The following FHIT variants were observed in gnomAD, a reference collection of about 807,000 sequenced individuals.
FHIT encodes fragile histidine triad diadenosine triphosphatase, also known as bis(5'-adenosyl)-triphosphatase.
Under a neutral mutation model 17.9 loss-of-function variants are expected in FHIT, and 19 were observed. The ratio of observed to expected loss-of-function variants is 1.06; its 90% CI spans 0.74 to 1.56. The LOEUF (loss-of-function observed/expected upper bound fraction) is 1.56, where lower values mean the gene tolerates loss of function less well. Among genes scored for constraint, FHIT ranks in the 40% most tolerant of loss-of-function variants. The probability of loss-of-function intolerance (pLI) is 0.00; values close to 1 mark genes in which losing one functional copy is unlikely to be tolerated. For synonymous variants in FHIT, 81 were observed against 69.7 expected (o/e 1.16, Z -0.81); for missense variants, 248 against 189.2 (o/e 1.31, Z -1.82).
intron 5 of FHIT, among the ~76,000 whole-genome samples, chr3:60,288,423 T>C (rs1447604010): frequency 6.6e-6 from 1 of 152,150 alleles, no homozygotes; most frequent in Admixed American, 6.5e-5. Context: ...CCAGCATCTA[T>C]AAAATGAGAA....
At chr3:60,597,605 G>C (rs1012635415) in intron 4 of FHIT, among the ~76,000 whole-genome samples, 11 of 152,130 alleles carry the variant, frequency 7.2e-5, no homozygotes, top group African/African-American at 2.7e-4. Context: ...CCAAATGACA[G>C]TGAAGTCTAA....
At chr3:60,498,628 T>C (rs1217901888) in intron 5 of FHIT, among the ~76,000 whole-genome samples, 1 of 152,164 alleles carries the variant, frequency 6.6e-6, no homozygotes, top group Admixed American at 6.6e-5. Context: ...CTTCAATCCA[T>C]CTGTCTTTGT....
At chr3:59,789,028 C>T (rs373157463) in intron 8 of FHIT, among the ~76,000 whole-genome samples, 96 of 152,154 alleles carry the variant, frequency 6.3e-4, no homozygotes, top group South Asian at 4.2e-3. Flanking sequence ...TATCGCACTG[C>T]GTGCTAGTTT....
At chr3:60,239,839 G>T (rs974504650) in intron 5 of FHIT, among the ~76,000 whole-genome samples, 2 of 152,078 alleles carry the variant, frequency 1.3e-5, no homozygotes, top group East Asian at 1.9e-4. Flanking sequence ...CCCAAGAAGG[G>T]AAGTCAAATC....
chr3:61,236,894 G>C (rs1343459409), intron 1 of FHIT, among the ~76,000 whole-genome samples: 2 of 152,154 alleles, frequency 1.3e-5, no homozygotes, highest in African/African-American at 4.8e-5. Context: ...CTTCAGGAGA[G>C]AACCCACAAT....
chr3:60,285,477 T>C (rs1707680764), intron 5 of FHIT, among the ~76,000 whole-genome samples: 1 of 152,174 alleles, frequency 6.6e-6, no homozygotes, highest in Non-Finnish European at 1.5e-5. Context: ...GACATTTTCT[T>C]AATCTTCATA....
chr3:59,808,755 A>G (rs1187812479), intron 8 of FHIT, among the ~76,000 whole-genome samples: 2 of 152,156 alleles, frequency 1.3e-5, no homozygotes, highest in Non-Finnish European at 2.9e-5. Flanking sequence ...TTGGCCCAAT[A>G]GGCTCGGGGA....
intron 4 of FHIT, among the ~76,000 whole-genome samples, chr3:60,796,310 T>G (rs1272191764): frequency 6.6e-6 from 1 of 152,218 alleles, no homozygotes; most frequent in Non-Finnish European, 1.5e-5. Context: ...AAAACCTAAT[T>G]TCTTATTTTT....
intron 5 of FHIT, among the ~76,000 whole-genome samples, chr3:60,185,756 G>T (rs138553404): frequency 2.6e-5 from 4 of 152,134 alleles, no homozygotes; most frequent in African/African-American, 7.2e-5. Flanking sequence ...GAGAGTCCTT[G>T]TTGCTCTACA....
intron 5 of FHIT, among the ~76,000 whole-genome samples, chr3:60,096,921 C>T (rs1052750543): frequency 9.9e-5 from 15 of 150,818 alleles, no homozygotes; most frequent in African/African-American, 3.6e-4. Flanking sequence ...TGGCTTGTGC[C>T]TATAATCCTA....
intron 5 of FHIT, among the ~76,000 whole-genome samples, chr3:60,417,042 T>C (rs1370258318): frequency 6.7e-6 from 1 of 149,450 alleles, no homozygotes; most frequent in East Asian, 2.0e-4. Flanking sequence ...TGAGCCGAGA[T>C]CGCACCACTG....
chr3:60,408,055 T>G (rs1484756917), intron 5 of FHIT, among the ~76,000 whole-genome samples: 1 of 152,060 alleles, frequency 6.6e-6, no homozygotes, highest in Non-Finnish European at 1.5e-5. Flanking sequence ...TCTGAGAAAA[T>G]TTTCCTCAAG....
At chr3:61,022,905 G>C (rs1161808566) in intron 3 of FHIT, among the ~76,000 whole-genome samples, 1 of 152,144 alleles carries the variant, frequency 6.6e-6, no homozygotes, top group Non-Finnish European at 1.5e-5. Context: ...ATGAGCAAAA[G>C]CTGGAAGCAT....
chr3:61,017,348 T>A (rs2032172068), intron 3 of FHIT, among the ~76,000 whole-genome samples: 1 of 152,218 alleles, frequency 6.6e-6, no homozygotes, highest in African/African-American at 2.4e-5. Context: ...TGCACTTTCA[T>A]TATTTTGAAT....
chr3:59,941,108 A>G (rs929258207), intron 7 of FHIT, among the ~76,000 whole-genome samples: 2 of 152,240 alleles, frequency 1.3e-5, no homozygotes, highest in African/African-American at 4.8e-5. Flanking sequence ...CTCTAACTCA[A>G]TGTTAAGAGA....
chr3:60,740,782 G>A (rs565421045), intron 4 of FHIT, among the ~76,000 whole-genome samples: 1 of 152,270 alleles, frequency 6.6e-6, no homozygotes, highest in East Asian at 1.9e-4. Flanking sequence ...TGAGACTAAA[G>A]GCAATTCAAA....
intron 8 of FHIT, among the ~76,000 whole-genome samples, chr3:59,837,099 C>T (rs1043751938): frequency 9.2e-5 from 14 of 152,128 alleles, no homozygotes; most frequent in Non-Finnish European, 2.1e-4. Flanking sequence ...CTTCTTTGTA[C>T]AGGCTCCATC....
chr3:60,423,241 T>G (rs1317826717), intron 5 of FHIT, among the ~76,000 whole-genome samples: 2 of 152,070 alleles, frequency 1.3e-5, no homozygotes, highest in Non-Finnish European at 2.9e-5. Context: ...ACAAAGAGAA[T>G]TCAGATTTCA....
chr3:59,991,359 T>A (rs1425260610), intron 7 of FHIT, among the ~76,000 whole-genome samples: 1 of 152,054 alleles, frequency 6.6e-6, no homozygotes, highest in Non-Finnish European at 1.5e-5. Context: ...TTTTGTCAAG[T>A]ATTTGCTGTG....
Sources: allele counts gnomAD v4.1 joint callset (sites outside exome capture counted in the v4.1 genomes callset), GRCh38; gene constraint gnomAD v4.1.1; transcripts MANE v1.5; gene names NCBI Gene and HGNC (gene_info 2026-07-23, HGNC 2026-07-21).